PIK3CB: variants seen among roughly 807,000 people sequenced by gnomAD.
The protein encoded by PIK3CB is phosphatidylinositol-4,5-bisphosphate 3-kinase catalytic subunit beta.
A neutral mutation model predicts 136.8 loss-of-function variants in PIK3CB; 39 were observed. The observed-to-expected ratio is 0.29, with a 90% CI of 0.22 to 0.37. The LOEUF (loss-of-function observed/expected upper bound fraction) is 0.37, where lower values mean the gene tolerates loss of function less well. PIK3CB is among the 10% of genes least tolerant of loss of function. The pLI is 1.00. For missense variants in PIK3CB, 868 were observed against 1,275.4 expected (o/e 0.68, Z 4.87); for synonymous variants, 428 against 436.6 (o/e 0.98, Z 0.25).
chr3:138,658,506 A>G (rs962443535), intron 21 of PIK3CB, among the ~76,000 whole-genome samples: 1 of 152,090 alleles, frequency 6.6e-6, no homozygotes, highest in Non-Finnish European at 1.5e-5. Flanking sequence ...CCCCACATTG[A>G]GTGCTACTCT....
chr3:138,668,697 T>G (rs1177406197), intron 19 of PIK3CB, among the ~76,000 whole-genome samples: 3 of 152,190 alleles, frequency 2.0e-5, no homozygotes, highest in Non-Finnish European at 4.4e-5. Flanking sequence ...GTTTTACAAC[T>G]TGTATATATT....
At chr3:138,723,505 G>A (rs921611476) in intron 8 of PIK3CB, among the ~76,000 whole-genome samples, 2 of 152,114 alleles carry the variant, frequency 1.3e-5, no homozygotes, top group Admixed American at 6.5e-5. Flanking sequence ...GAGCCAAGAC[G>A]TGTCACTGCA....
At chr3:138,782,328 C>T (rs1180655135) in intron 2 of PIK3CB, among the ~76,000 whole-genome samples, 5 of 152,210 alleles carry the variant, frequency 3.3e-5, no homozygotes, top group Admixed American at 3.3e-4. Flanking sequence ...TTTAGCATCT[C>T]ATAATCCTTC....
chr3:138,734,906 G>T, intron 6 of PIK3CB, 102 bp from the exon 7 acceptor site: 1 of 638,556 alleles, frequency 1.6e-6, no homozygotes, highest in Non-Finnish European at 2.4e-6. Flanking sequence ...CACTGTGAAA[G>T]TATGTCTTAA....
intron 4 of PIK3CB, among the ~76,000 whole-genome samples, chr3:138,749,881 T>C (rs28669191): frequency 6.6e-6 from 1 of 151,712 alleles, no homozygotes; most frequent in Non-Finnish European, 1.5e-5. Flanking sequence ...ATAGAGTTTT[T>C]TTGTTTGTTT....
At chr3:138,747,103 T>TATAC (rs2045376398) in intron 4 of PIK3CB, among the ~76,000 whole-genome samples, 1 of 92,386 alleles carries the variant, frequency 1.1e-5, no homozygotes, top group African/African-American at 3.9e-5. Flanking sequence ...TATATATATA[T>TATAC]ATATATATAT....
At chr3:138,824,814 C>G (rs1268450205) in intron 1 of PIK3CB, among the ~76,000 whole-genome samples, 1 of 147,384 alleles carries the variant, frequency 6.8e-6, no homozygotes, top group African/African-American at 2.5e-5. Flanking sequence ...TTTGGGAGGC[C>G]AAGCAGGCAA....
At chr3:138,774,991 T>C (rs190060878) in intron 2 of PIK3CB, among the ~76,000 whole-genome samples, 90 of 152,378 alleles carry the variant, frequency 5.9e-4, no homozygotes, top group African/African-American at 1.9e-3. Flanking sequence ...GTTTGTCTGT[T>C]TTAAACCTTT....
intron 2 of PIK3CB, chr3:138,778,727 T>C (rs2045888394): frequency 4.2e-6 from 1 of 240,374 alleles, no homozygotes; most frequent in Non-Finnish European, 8.4e-6. Flanking sequence ...TCTCAATGAC[T>C]ACTTTGTCAA....
chr3:138,832,165 ACATTC>A (rs1934065960), intron 1 of PIK3CB, among the ~76,000 whole-genome samples: 1 of 152,186 alleles, frequency 6.6e-6, no homozygotes, highest in Admixed American at 6.6e-5. Context: ...TAGTTGGCTG[ACATTC>A]ACAAAGCAAG....
Position 138,742,757 on chromosome 3 carries a change from T to G in PIK3CB, c.422A>C (p.Lys141Thr), listed in dbSNP as rs2108672707. The G allele has an allele frequency of 6.2e-7, 1 of 1,610,312 alleles. No individual in the cohort carries two copies. The highest frequency in any genetic ancestry group is 8.5e-7 in the Non-Finnish European group (1 of 1,177,734). ...TCGAAATTCATTTACTTCAGGATCC[T>G]TCAAGGAATCAAATTCATGCAGACC... ...GKGLHEFDSL[K>T]DPEVNEFRRK... The change falls in exon 5 of 24, where the codon AAG (lysine) becomes ACG (threonine). Residue 141 changes from lysine to threonine, a missense_variant. Around this residue, in one of 4 missense-constraint regions of PIK3CB, gnomAD observed 612 missense variants for 801.1 expected, o/e 0.76. Transcript: ENST00000674063.
intron 1 of PIK3CB, among the ~76,000 whole-genome samples, chr3:138,826,500 T>C (rs1342621488): frequency 3.9e-5 from 1 of 25,832 alleles, no homozygotes; most frequent in Non-Finnish European, 8.1e-5. Context: ...ACCATTTGGG[T>C]TTTTTTTTTT....
At chr3:138,772,551 A>AG (rs1487184887) in intron 2 of PIK3CB, among the ~76,000 whole-genome samples, 38 of 151,428 alleles carry the variant, frequency 2.5e-4, no homozygotes, top group Non-Finnish European at 1.5e-5. Context: ...TTGACCTCCC[A>AG]GGCTCCAGCA....
chr3:138,786,659 T>C (rs2045984665), intron 2 of PIK3CB, among the ~76,000 whole-genome samples: 1 of 152,202 alleles, frequency 6.6e-6, no homozygotes. Context: ...ATTTAAATTT[T>C]AAATACTATA....
intron 12 of PIK3CB, among the ~76,000 whole-genome samples, chr3:138,701,328 C>G (rs1270736647): frequency 6.6e-6 from 1 of 151,614 alleles, no homozygotes; most frequent in African/African-American, 2.4e-5. Context: ...AGATTGGATC[C>G]AAGACTTATA....
intron 10 of PIK3CB, among the ~76,000 whole-genome samples, chr3:138,707,907 T>C (rs760745746): frequency 2.0e-5 from 3 of 152,166 alleles, no homozygotes; most frequent in Non-Finnish European, 4.4e-5. Flanking sequence ...CAGAACTGTG[T>C]GTGTGATTTT....
At chr3:138,799,491 T>G (rs2046147949) in intron 1 of PIK3CB, among the ~76,000 whole-genome samples, 1 of 152,070 alleles carries the variant, frequency 6.6e-6, no homozygotes, top group Non-Finnish European at 1.5e-5. Context: ...AACCAGAATG[T>G]ACCTTGTACA....
At chr3:138,778,894 C>T (rs2045890341) in intron 2 of PIK3CB, 2 of 156,272 alleles carry the variant, frequency 1.3e-5, no homozygotes, top group South Asian at 1.9e-4. Context: ...AGTCCCCCGC[C>T]ATCACACTGA....
intron 19 of PIK3CB, among the ~76,000 whole-genome samples, chr3:138,675,006 C>T (rs762175790): frequency 1.5e-4 from 23 of 151,952 alleles, no homozygotes; most frequent in South Asian, 4.1e-4. Flanking sequence ...GTCAGTGAGC[C>T]GAGACCGCGC....
Sources: allele counts gnomAD v4.1 joint callset (sites outside exome capture counted in the v4.1 genomes callset), GRCh38; gene constraint gnomAD v4.1.1; regional missense constraint gnomAD v4.1.1; transcripts MANE v1.5; gene names NCBI Gene and HGNC (gene_info 2026-07-23, HGNC 2026-07-21).